The following HACE1 variants were observed in gnomAD, a reference collection of about 807,000 sequenced individuals.
HACE1 encodes the protein HECT domain and ankyrin repeat containing E3 ubiquitin protein ligase 1, also known as E3 ubiquitin-protein ligase HACE1.
HACE1 carries 73 observed loss-of-function variants against 118.4 expected under a neutral mutation model. That is an observed-to-expected ratio of 0.62 (90% CI 0.51 to 0.75). The LOEUF (loss-of-function observed/expected upper bound fraction) is 0.75. HACE1 is among the 30% of genes least tolerant of loss of function. HACE1 has a pLI of 0.00. For synonymous variants in HACE1, 368 were observed against 374.8 expected, an observed-to-expected ratio of 0.98 and a Z score of 0.21; for missense variants, 749 against 1,102.2, an observed-to-expected ratio of 0.68 and a Z score of 4.54.
rs533635190 is a variant in HACE1 at position 104,810,720 on chromosome 6, G to A, written c.617+591C>T. 1.4e-4 allele frequency among the ~76,000 whole-genome samples: 21 copies of A among 152,024 alleles called. 1 individual carries two copies. The highest frequency in any genetic ancestry group is 8.3e-4 in the South Asian group (4 of 4,816). On this transcript the variant is annotated intron_variant, in intron 7 of 23. Coordinates refer to ENST00000262903, the MANE Select transcript of HACE1 (RefSeq NM_020771.4). ...AGTGAGCGTTAACTAAACATTTGCC[G>A]AATACATGAATAAGTGAACAAAATG...
intron 14 of HACE1, among the ~76,000 whole-genome samples, chr6:104,780,741 C>G (rs1781643747): frequency 6.6e-6 from 1 of 152,136 alleles, no homozygotes; most frequent in Non-Finnish European, 1.5e-5. Flanking sequence ...TACATCAGAT[C>G]CCATTTCAAG....
intron 20 of HACE1, among the ~76,000 whole-genome samples, chr6:104,749,989 C>T (rs893393737): frequency 2.0e-5 from 3 of 151,974 alleles, no homozygotes; most frequent in African/African-American, 7.2e-5. Flanking sequence ...TTAGTATCAG[C>T]GCCCTTTACA....
intron 6 of HACE1, among the ~76,000 whole-genome samples, chr6:104,826,797 T>TA (rs1031704806): frequency 1.4e-4 from 22 of 152,278 alleles, no homozygotes; most frequent in African/African-American, 5.3e-4. Flanking sequence ...AACAGACTTT[T>TA]AAAAAAATTT....
intron 17 of HACE1, among the ~76,000 whole-genome samples, chr6:104,774,543 C>G (rs1175479145): frequency 6.6e-6 from 1 of 151,920 alleles, no homozygotes; most frequent in Non-Finnish European, 1.5e-5. Flanking sequence ...TGCCACCATG[C>G]CCAGTTAATT....
intron 19 of HACE1, among the ~76,000 whole-genome samples, chr6:104,756,641 G>A (rs1162889189): frequency 1.3e-5 from 2 of 152,070 alleles, no homozygotes; most frequent in African/African-American, 4.8e-5. Context: ...CAGAAGATGG[G>A]TGATGTCTGC....
At chr6:104,742,947 T>C (rs1582618775) in intron 22 of HACE1, among the ~76,000 whole-genome samples, 1 of 151,862 alleles carries the variant, frequency 6.6e-6, no homozygotes, top group African/African-American at 2.4e-5. Flanking sequence ...ATTAAGAAAA[T>C]GTGGCACATA....
rs183441842 is a variant in HACE1 at position 104,843,961 on chromosome 6, A to G, written c.327-663T>C. ...AACATCTGCCTCCCGGGTTCAAGTG[A>G]TTCTCCTGCCTCAGCCTTCCGAGTA... On this transcript the variant is annotated intron_variant, in intron 4 of 23. Transcript: ENST00000262903. Among the ~76,000 whole-genome samples the G allele has an allele frequency of 6.2e-3, 937 of 150,808 alleles. 3 individuals are homozygous for G. Among genetic ancestry groups the G allele is most frequent in the Middle Eastern group, 0.017 (5 of 288 alleles).
Position 104,730,330 on chromosome 6 carries a change from G to A in HACE1, c.2600C>T (p.Pro867Leu). The A allele has an allele frequency of 9.6e-6, 15 of 1,565,998 alleles. No individual in the cohort carries two copies. Among genetic ancestry groups the A allele is most frequent in the Non-Finnish European group, 1.1e-5 (13 of 1,136,050 alleles). ...NFTIAAVPYT[P>L]NLLPTSSTCI... ...TGTGCTTGAAGTTGGTAAAAGATTTGGAGTATATGGCACAGCAGCGATTGT... is the reference window on the plus strand; with the variant it reads ...TGTGCTTGAAGTTGGTAAAAGATTTAGAGTATATGGCACAGCAGCGATTGT... The change falls in exon 23 of 24, where the codon CCA (proline) becomes CTA (leucine). Residue 867 changes from proline (P) to leucine (L), a missense_variant. By Grantham distance (98) the Pro-to-Leu change is moderately conservative (BLOSUM62 -3). Transcript: ENST00000262903.
chr6:104,825,090 A>AG (rs1396390037), intron 6 of HACE1, among the ~76,000 whole-genome samples: 1 of 151,744 alleles, frequency 6.6e-6, no homozygotes, highest in Non-Finnish European at 1.5e-5. Context: ...TCAAAAAAAA[A>AG]AAAAAAAGAA....
At chr6:104,777,388 G>T (rs1781328231) in intron 14 of HACE1, 71 bp from the exon 15 acceptor site, 1 of 895,520 alleles carries the variant, frequency 1.1e-6, no homozygotes, top group Non-Finnish European at 1.9e-6. Flanking sequence ...TTACTAGCTT[G>T]CTAAATGCCT....
chr6:104,773,783 A>C (rs1780885972), intron 17 of HACE1, among the ~76,000 whole-genome samples: 2 of 151,578 alleles, frequency 1.3e-5, no homozygotes, highest in Admixed American at 1.3e-4. Context: ...AAAAAAAAAA[A>C]GGAAACATAT....
At chr6:104,746,680 T>C (rs1777468898) in intron 20 of HACE1, among the ~76,000 whole-genome samples, 1 of 152,206 alleles carries the variant, frequency 6.6e-6, no homozygotes, top group Non-Finnish European at 1.5e-5. Flanking sequence ...GATGTCTCAC[T>C]AGACATTGTT....
At chr6:104,795,129 G>A (rs1783476927) in intron 10 of HACE1, among the ~76,000 whole-genome samples, 1 of 152,008 alleles carries the variant, frequency 6.6e-6, no homozygotes, top group Non-Finnish European at 1.5e-5. Flanking sequence ...AAAACCACAG[G>A]ATCTTTTAGA....
intron 20 of HACE1, among the ~76,000 whole-genome samples, chr6:104,748,248 G>GAA (rs34032176): frequency 2.9e-4 from 44 of 149,768 alleles, no homozygotes; most frequent in African/African-American, 7.6e-4. Flanking sequence ...TCAGTAAAAA[G>GAA]AAAAAAAAAC....
chr6:104,738,921 A>G (rs1197934131), intron 22 of HACE1, among the ~76,000 whole-genome samples: 1 of 150,926 alleles, frequency 6.6e-6, no homozygotes, highest in East Asian at 1.9e-4. Context: ...CCAGAGAGAA[A>G]GGTCGGGTTA....
chr6:104,803,385 A>C (rs1770613728), intron 7 of HACE1, among the ~76,000 whole-genome samples: 2 of 152,218 alleles, frequency 1.3e-5, no homozygotes, highest in Admixed American at 1.3e-4. Flanking sequence ...TCATCCTGAT[A>C]CCAAAGCCTG....
chr6:104,830,202 A>G (rs1181254178), intron 6 of HACE1, among the ~76,000 whole-genome samples: 8 of 152,188 alleles, frequency 5.3e-5, no homozygotes, highest in African/African-American at 7.2e-5. Context: ...GTCCTCTGAG[A>G]GCTATCGGCT....
At chr6:104,829,155 C>T (rs1055033628) in intron 6 of HACE1, among the ~76,000 whole-genome samples, 1 of 152,068 alleles carries the variant, frequency 6.6e-6, no homozygotes, top group Non-Finnish European at 1.5e-5. Flanking sequence ...TATATGTCTA[C>T]ATGGACACCA....
intron 22 of HACE1, among the ~76,000 whole-genome samples, chr6:104,737,237 C>A (rs6571203): frequency 2.9e-5 from 4 of 138,526 alleles, no homozygotes; most frequent in Non-Finnish European, 4.5e-5. Flanking sequence ...GGTTGCAGAT[C>A]GAGCCACTGC....
Sources: allele counts gnomAD v4.1 joint callset (sites outside exome capture counted in the v4.1 genomes callset), GRCh38; gene constraint gnomAD v4.1.1; transcripts MANE v1.5; gene names NCBI Gene and HGNC (gene_info 2026-07-23, HGNC 2026-07-21).